SRL: variants seen among roughly 807,000 people sequenced by gnomAD.
SRL encodes the protein sarcalumenin.
A neutral mutation model predicts 39.5 loss-of-function variants in SRL; 23 were observed. The ratio of observed to expected loss-of-function variants is 0.58; its 90% CI spans 0.42 to 0.82. SRL has a LOEUF of 0.82. Ranked by LOEUF, SRL falls within the 40% of genes least tolerant of loss-of-function variation. The probability of loss-of-function intolerance (pLI) is 0.00; values close to 1 mark genes in which losing one functional copy is unlikely to be tolerated. For missense variants in SRL, 592 were observed against 607.8 expected (o/e 0.97, Z 0.27); for synonymous variants, 272 against 237.4 (o/e 1.15, Z -1.34).
At chr16:4,238,762 AC>A in intron 1 of SRL, among the ~76,000 whole-genome samples, 1 of 150,602 alleles carries the variant, frequency 6.6e-6, no homozygotes, top group South Asian at 2.1e-4. Flanking sequence ...AGCTGGGACC[AC>A]AGGCATGCAC....
Position 4,197,867 on chromosome 16 carries a change from C to T in SRL, c.308G>A (p.Ser103Asn), listed in dbSNP as rs527408548. Residue 103 changes from serine (S) to asparagine (N), a missense_variant, in exon 4 of 6, where the codon AGT becomes AAT. Coordinates refer to ENST00000399609, the MANE Select transcript of SRL (RefSeq NM_001098814.2). The part of the protein sequence containing the change: ...KPMVLFLGPW[S>N]VGKSTMINYL... Reference sequence around the variant, plus strand: ...GTTTATCATGGTAGATTTACCAACACTCCACGGTCCCAGGAACAGTACCAT... The same window carrying T: ...GTTTATCATGGTAGATTTACCAACATTCCACGGTCCCAGGAACAGTACCAT... The T allele has an allele frequency of 6.8e-6, 11 of 1,614,178 alleles. No individual in the cohort carries two copies. The highest frequency in any genetic ancestry group is 1.3e-5 in the African/African-American group (1 of 75,050).
chr16:4,241,632 AC>A (rs1307523946), intron 1 of SRL, among the ~76,000 whole-genome samples: 3 of 152,166 alleles, frequency 2.0e-5, no homozygotes, highest in East Asian at 3.9e-4. Context: ...TGGGAGGGTC[AC>A]CTCAACGACC....
intron 1 of SRL, among the ~76,000 whole-genome samples, chr16:4,227,200 A>AGATGGGTG (rs1429656279): frequency 6.9e-6 from 1 of 145,388 alleles, no homozygotes; most frequent in East Asian, 2.2e-4. Context: ...ACGGACAGAT[A>AGATGGGTG]GATGGGTGGA....
At chr16:4,193,593 T>C (rs1212364987) in intron 5 of SRL, among the ~76,000 whole-genome samples, 1 of 152,176 alleles carries the variant, frequency 6.6e-6, no homozygotes, top group East Asian at 1.9e-4. Flanking sequence ...AGCTCTACCT[T>C]TTTAGCTCCA....
chr16:4,195,876 G>A (rs2052133740), intron 4 of SRL, 90 bp from the exon 5 acceptor site: 2 of 1,111,980 alleles, frequency 1.8e-6, no homozygotes, highest in South Asian at 3.0e-5. Context: ...GTGTCACAGG[G>A]AGACTTTTGC....
At chr16:4,241,957 G>A (rs1318550100) in intron 1 of SRL, 50 bp downstream of exon 1, 2 of 1,605,886 alleles carry the variant, frequency 1.2e-6, no homozygotes, top group Admixed American at 1.7e-5. Context: ...AAACCTTGGA[G>A]GAAGCGTGGG....
At chr16:4,196,892 C>G (rs2052154045) in intron 4 of SRL, among the ~76,000 whole-genome samples, 2 of 152,064 alleles carry the variant, frequency 1.3e-5, no homozygotes, top group African/African-American at 4.8e-5. Flanking sequence ...GAATTTCATT[C>G]CTTTTTAAGG....
At chr16:4,193,113 G>A in intron 5 of SRL, 149 bp from the exon 6 acceptor site, 2 of 662,060 alleles carry the variant, frequency 3.0e-6, no homozygotes, top group Non-Finnish European at 5.1e-6. Context: ...AAAATCAATT[G>A]CATATCTCCT....
chr16:4,238,166 G>A (rs1356502942), intron 1 of SRL, among the ~76,000 whole-genome samples: 1 of 152,186 alleles, frequency 6.6e-6, no homozygotes, highest in African/African-American at 2.4e-5. Flanking sequence ...ATGCTGCGAT[G>A]AGGCCTGGAT....
chr16:4,224,544 A>G (rs1478374218), intron 1 of SRL, among the ~76,000 whole-genome samples: 1 of 152,020 alleles, frequency 6.6e-6, no homozygotes, highest in African/African-American at 2.4e-5. Context: ...CAGCTCTATA[A>G]AAATTTTTAA....
chr16:4,218,544 G>T (rs539847286), intron 1 of SRL, among the ~76,000 whole-genome samples: 1 of 152,140 alleles, frequency 6.6e-6, no homozygotes, highest in African/African-American at 2.4e-5. Flanking sequence ...ATACAGCGGC[G>T]CTTTGCTCCT....
chr16:4,213,404 CTTTTTTTTTTT>C lies in SRL; in HGVS notation c.62-8781_62-8771del, dbSNP rs1176583909. Among the ~76,000 whole-genome samples the C allele has an allele frequency of 1.0e-4, 7 of 69,584 alleles. No individual in the cohort carries two copies. The East Asian group carries it at 1.5e-3, about 15-fold the overall frequency. The allele number at this position is 69,584 out of a possible 152,430, so 45.6% of individuals were successfully genotyped here. ...CATCTTTTTTTTTCTTTTTCTTTTTCTTTTTTTTTTTTTTTTTTTTTTTTTTGAGACAGGTC... is the reference window on the plus strand; with the variant it reads ...CATCTTTTTTTTTCTTTTTCTTTTTCTTTTTTTTTTTTTTTGAGACAGGTC... On this transcript the variant is annotated intron_variant, in intron 1 of 5. Coordinates refer to ENST00000399609, the MANE Select transcript of SRL (RefSeq NM_001098814.2).
chr16:4,214,887 C>T (rs1461938222), intron 1 of SRL, among the ~76,000 whole-genome samples: 1 of 152,112 alleles, frequency 6.6e-6, no homozygotes, highest in African/African-American at 2.4e-5. Context: ...CCTGCCTCAG[C>T]CTCCCGAGTA....
At chr16:4,198,118 G>C (rs1381644688) in intron 3 of SRL, among the ~76,000 whole-genome samples, 3 of 152,188 alleles carry the variant, frequency 2.0e-5, no homozygotes, top group African/African-American at 7.2e-5. Context: ...TCACTTTTGG[G>C]CCTTGCCCAG....
At chr16:4,204,268 C>A (rs986261663) in intron 2 of SRL, among the ~76,000 whole-genome samples, 23 of 152,326 alleles carry the variant, frequency 1.5e-4, no homozygotes, top group African/African-American at 5.3e-4. Context: ...CCACACCAGG[C>A]CGTCTACTTG....
chr16:4,219,729 G>A (rs959288405), intron 1 of SRL, among the ~76,000 whole-genome samples: 1 of 152,208 alleles, frequency 6.6e-6, no homozygotes, highest in Non-Finnish European at 1.5e-5. Context: ...CCAAAGTGCT[G>A]AGGTTACAGG....
intron 1 of SRL, among the ~76,000 whole-genome samples, chr16:4,223,779 A>G (rs1446710302): frequency 2.0e-5 from 3 of 152,084 alleles, no homozygotes. Context: ...ATGGGAGCCA[A>G]TCTAAGCCCA....
chr16:4,211,840 G>A (rs577131667), intron 1 of SRL, among the ~76,000 whole-genome samples: 89 of 152,290 alleles, frequency 5.8e-4, no homozygotes, highest in Non-Finnish European at 3.7e-4. Flanking sequence ...TGATGATGAT[G>A]ATGGTGATGA....
intron 1 of SRL, among the ~76,000 whole-genome samples, chr16:4,219,650 G>T (rs1194970731): frequency 6.6e-6 from 1 of 152,092 alleles, no homozygotes; most frequent in Non-Finnish European, 1.5e-5. Context: ...TAGTAGAGAT[G>T]GGGTTTCACC....
Sources: allele counts gnomAD v4.1 joint callset (sites outside exome capture counted in the v4.1 genomes callset), GRCh38; gene constraint gnomAD v4.1.1; transcripts MANE v1.5; gene names NCBI Gene and HGNC (gene_info 2026-07-23, HGNC 2026-07-21).